LIMD1: variants seen among roughly 807,000 people sequenced by gnomAD.
LIMD1 encodes LIM domain-containing protein 1.
Under a neutral mutation model 58.4 loss-of-function variants are expected in LIMD1, and 23 were observed. The observed-to-expected ratio is 0.39, with a 90% CI of 0.28 to 0.56. LIMD1 has a LOEUF of 0.56. LIMD1 is among the 20% of genes least tolerant of loss of function. LIMD1 has a pLI of 0.57. For missense variants in LIMD1, 838 were observed against 855.5 expected (o/e 0.98, Z 0.25); for synonymous variants, 334 against 345.5 (o/e 0.97, Z 0.37).
intron 1 of LIMD1, among the ~76,000 whole-genome samples, chr3:45,619,945 C>G (rs116303589): frequency 0.011 from 1,581 of 146,854 alleles, 21 homozygotes; most frequent in African/African-American, 0.031. Flanking sequence ...TTTGAGAGAT[C>G]AGAGAATTTC....
At position 45,610,647 on chromosome 3, in the gene LIMD1, C is replaced by T. The variant is rs1010819685; in HGVS notation, c.1408+14360C>T. Among the ~76,000 whole-genome samples the T allele has an allele frequency of 7.2e-5, 11 of 152,278 alleles. 1 individual carries two copies. The highest frequency in any genetic ancestry group is 7.2e-4 in the Admixed American group (11 of 15,290). On this transcript the variant is annotated intron_variant, in intron 1 of 7. Coordinates refer to ENST00000273317, the MANE Select transcript of LIMD1 (RefSeq NM_014240.3). ...TGGATCTGCCACCCCCCAGCTCTGC[C>T]AACAGCTGTGAGACCTTGGGCGGGT...
In LIMD1 at chr3:45,677,166, G is replaced by A; in HGVS notation, c.*107G>A. The A allele has an allele frequency of 7.6e-7, 1 of 1,308,384 alleles. No individual in the cohort carries two copies. 81.0% of individuals were successfully genotyped at this position (1,308,384 alleles called of 1,614,324 possible). On this transcript the variant is annotated 3_prime_UTR_variant, in exon 8 of 8. Coordinates refer to ENST00000273317, the MANE Select transcript of LIMD1 (RefSeq NM_014240.3). ...GTGGGGTAGGGGAAGAGGAGGGGCA[G>A]GAGGGAGAGTTCCTGTGAGCATGTG...
rs1324729500 is a variant in LIMD1 at position 45,686,334 on chromosome 3, G to A, written c.*9275G>A. The A allele has an allele frequency of 6.6e-6, 1 of 151,418 alleles. No homozygotes were observed. Among genetic ancestry groups the A allele is most frequent in the African/African-American group, 2.4e-5 (1 of 41,110 alleles). The allele number at this position is 151,418 out of a possible 1,614,324, so 9.4% of individuals were successfully genotyped here. On this transcript the variant is annotated 3_prime_UTR_variant, in exon 8 of 8. Transcript: ENST00000273317. ...CTGGCTAATAAAGGACTCTTAATTC[G>A]TCTTAAAGTGTGGCGTTTTTCTAAC...
Position 45,684,465 on chromosome 3 carries a change from A to T in LIMD1, c.*7406A>T, listed in dbSNP as rs1027471969. ...TGAGGTTTGTTGTTTCGTGCCAAGAAGATTAACAACACGGACACACGTGGG... is the reference window on the plus strand; with the variant it reads ...TGAGGTTTGTTGTTTCGTGCCAAGATGATTAACAACACGGACACACGTGGG... On this transcript the variant is annotated 3_prime_UTR_variant, in exon 8 of 8. Coordinates refer to ENST00000273317, the MANE Select transcript of LIMD1 (RefSeq NM_014240.3). 2.6e-5 allele frequency: 4 copies of T among 152,246 alleles called. No homozygotes were observed. Among genetic ancestry groups the T allele is most frequent in the African/African-American group, 9.6e-5 (4 of 41,466 alleles). The allele number at this position is 152,246 out of a possible 1,614,324, so 9.4% of individuals were successfully genotyped here.
intron 1 of LIMD1, among the ~76,000 whole-genome samples, chr3:45,611,353 G>T (rs190098610): frequency 6.6e-6 from 1 of 152,216 alleles, no homozygotes; most frequent in African/African-American, 2.4e-5. Flanking sequence ...AAGCAGGGGG[G>T]CTCTGGGGTC....
chr3:45,602,985 C>T (rs1196928186), intron 1 of LIMD1, among the ~76,000 whole-genome samples: 3 of 152,086 alleles, frequency 2.0e-5, no homozygotes, highest in African/African-American at 4.8e-5. Context: ...GGATTACAGG[C>T]GCGCACCACC....
intron 1 of LIMD1, among the ~76,000 whole-genome samples, chr3:45,612,349 G>C (rs1437384749): frequency 6.6e-6 from 1 of 152,168 alleles, no homozygotes; most frequent in Non-Finnish European, 1.5e-5. Flanking sequence ...CTCCCAAAGT[G>C]CTAGGATAAC....
At position 45,651,200 on chromosome 3, in the gene LIMD1, T is replaced by C. The variant is rs143312718; in HGVS notation, c.1511-14450T>C. ...GATGGGGTTGTTGTTTTCTTGTAAA[T>C]TTGTTTAAGTCCTTTGTAGATTCTG... On this transcript the variant is annotated intron_variant, in intron 2 of 7. Coordinates refer to ENST00000273317, the MANE Select transcript of LIMD1 (RefSeq NM_014240.3). Among the ~76,000 whole-genome samples the C allele has an allele frequency of 2.9e-4, 44 of 152,346 alleles. No homozygotes were observed. In the East Asian group the frequency reaches 7.5e-3, roughly 26 times the overall value.
rs35185922 is a variant in LIMD1, at chr3:45,653,907, C to CAAAAAA, written c.1511-11729_1511-11724dup. On this transcript the variant is annotated intron_variant, in intron 2 of 7. Transcript: ENST00000273317. ...CCTGAGTGACGGAGCAAGACTGTCT[C>CAAAAAA]AAAAAAAAAAAAAAAAAAAGAAAAA... 9.8e-4 allele frequency among the ~76,000 whole-genome samples: 72 copies of CAAAAAA among 73,812 alleles called. 2 individuals carry two copies. Among genetic ancestry groups the CAAAAAA allele is most frequent in the Middle Eastern group, 7.9e-3 (1 of 126 alleles). The allele number at this position is 73,812 out of a possible 152,430, so 48.4% of individuals were successfully genotyped here.
chr3:45,674,306 G>T (rs1180568037), intron 6 of LIMD1, 37 bp from the exon 7 acceptor site: 1 of 1,583,842 alleles, frequency 6.3e-7, no homozygotes, highest in Non-Finnish European at 8.7e-7. Flanking sequence ...CCCCTAACAG[G>T]CCTCTCCTAT....
chr3:45,650,225 G>A (rs1035527526), intron 2 of LIMD1, among the ~76,000 whole-genome samples: 1 of 152,136 alleles, frequency 6.6e-6, no homozygotes, highest in Non-Finnish European at 1.5e-5. Context: ...TTCTATTGCT[G>A]TACCTTTAAA....
In LIMD1 at chr3:45,596,027, T is replaced by G; in HGVS notation, c.1148T>G (p.Leu383Arg). 6.2e-7 allele frequency: 1 copy of G among 1,614,194 alleles called. No homozygotes were observed. The highest frequency in any genetic ancestry group is 8.5e-7 in the Non-Finnish European group (1 of 1,180,034). ...GCTDLGTGPK[L>R]SPTSLVHPVM... ...ACAGACCTTGGCACTGGTCCCAAGC[T>G]CAGCCCCACCAGTCTTGTCCATCCA... The change falls in exon 1 of 8, where the codon CTC (leucine) becomes CGC (arginine). Residue 383 changes from leucine to arginine, a missense_variant. Physicochemically the swap from Leu to Arg is moderately radical, Grantham distance 102. This residue lies in a region of LIMD1 where 659 missense variants were observed against 639.8 expected (regional missense o/e 1.03). Coordinates refer to ENST00000273317, the MANE Select transcript of LIMD1 (RefSeq NM_014240.3).
chr3:45,638,773 TA>T (rs34934454), intron 2 of LIMD1, among the ~76,000 whole-genome samples: 6,318 of 152,296 alleles, frequency 0.041, 163 homozygotes, highest in Middle Eastern at 0.082. Context: ...CAACTGTGTA[TA>T]AGCATTGCCT....
chr3:45,660,405 C>CT (rs869301368), intron 2 of LIMD1, among the ~76,000 whole-genome samples: 7,014 of 79,944 alleles, frequency 0.088, 1,001 homozygotes, highest in African/African-American at 0.29. Flanking sequence ...GGTGGGCTGT[C>CT]TTTTTTTTTT....
chr3:45,674,220 C>T, intron 6 of LIMD1, 123 bp from the exon 7 acceptor site: 1 of 643,614 alleles, frequency 1.6e-6, no homozygotes. Context: ...TTTACCTTCT[C>T]CTCCCAAGGC....
intron 2 of LIMD1, among the ~76,000 whole-genome samples, chr3:45,655,107 A>T (rs570719455): frequency 3.9e-5 from 6 of 152,060 alleles, no homozygotes; most frequent in Admixed American, 2.0e-4. Flanking sequence ...TTTAGTAGAG[A>T]TGGGGTTTCA....
At chr3:45,646,044 A>G (rs978052855) in intron 2 of LIMD1, among the ~76,000 whole-genome samples, 3 of 143,834 alleles carry the variant, frequency 2.1e-5, no homozygotes, top group African/African-American at 7.4e-5. Context: ...AAAAAAAAAA[A>G]AAAGATTTAG....
rs1184054679 is a variant in LIMD1 at position 45,595,245 on chromosome 3, TG to T, written c.369del (p.Gln124SerfsTer79). On this transcript the variant is annotated frameshift_variant, in exon 1 of 8. Transcript: ENST00000273317. LOFTEE classifies it high-confidence loss of function. Reference protein sequence around the residue: ...APGAVTTLAAGQPPYPPQEQR... With the variant: ...APGAVTTLAAXQPPYPPQEQR... ...CTGGGGCAGTCACCACCCTCGCTGCTGGGCAGCCCCCGTACCCACCGCAGGA... is the reference window on the plus strand; with the variant it reads ...CTGGGGCAGTCACCACCCTCGCTGCTGGCAGCCCCCGTACCCACCGCAGGA... The T allele has an allele frequency of 6.2e-7, 1 of 1,606,164 alleles. No individual in the cohort carries two copies. The highest frequency in any genetic ancestry group is 8.5e-7 in the Non-Finnish European group (1 of 1,176,134).
intron 2 of LIMD1, among the ~76,000 whole-genome samples, chr3:45,642,079 C>T (rs1280574890): frequency 6.6e-6 from 1 of 152,218 alleles, no homozygotes; most frequent in African/African-American, 2.4e-5. Flanking sequence ...TGCAGTTCTC[C>T]CAGGCACCAT....
Sources: gnomAD v4.1 joint callset for allele counts (sites outside exome capture counted in the v4.1 genomes callset) on GRCh38, gnomAD v4.1.1 for gene constraint, gnomAD v4.1.1 regional missense constraint, MANE v1.5 for transcripts, NCBI Gene and HGNC (gene_info 2026-07-23, HGNC 2026-07-21) for gene names.